HS3ST4: variants seen among roughly 807,000 people sequenced by gnomAD.
HS3ST4 encodes the protein heparan sulfate glucosamine 3-O-sulfotransferase 4.
HS3ST4 carries 17 observed loss-of-function variants against 29.2 expected under a neutral mutation model. That is an observed-to-expected ratio of 0.58 (90% CI 0.40 to 0.87). The LOEUF is 0.87. Ranked by LOEUF, HS3ST4 falls within the 40% of genes least tolerant of loss-of-function variation. HS3ST4 has a pLI of 0.00. For synonymous variants in HS3ST4, 314 were observed against 285.7 expected, an observed-to-expected ratio of 1.10 and a Z score of -1.00; for missense variants, 627 against 634.5, an observed-to-expected ratio of 0.99 and a Z score of 0.13.
In HS3ST4 at chr16:25,927,677, C is replaced by T. The variant is rs181948431; in HGVS notation, c.735-207935C>T. 6.0e-3 allele frequency among the ~76,000 whole-genome samples: 908 copies of T among 151,610 alleles called. 8 individuals carry two copies. The highest frequency in any genetic ancestry group is 9.5e-3 in the Non-Finnish European group (646 of 67,874). Reference sequence around the variant, plus strand: ...TTCAAGAGGCAGCTGCTCCTCAGCCCCAGCTCGCTGTTTTTCTGTTTTTTT... The same window carrying T: ...TTCAAGAGGCAGCTGCTCCTCAGCCTCAGCTCGCTGTTTTTCTGTTTTTTT... On this transcript the variant is annotated intron_variant, in intron 1 of 1. Transcript: ENST00000331351.
chr16:26,128,300 A>C (rs1899372951), intron 1 of HS3ST4, among the ~76,000 whole-genome samples: 1 of 152,200 alleles, frequency 6.6e-6, no homozygotes, highest in South Asian at 2.1e-4. Flanking sequence ...TATCATCAAC[A>C]TATACCCCAT....
rs1243615063 is a variant in HS3ST4, at chr16:26,073,130, A to G, written c.735-62482A>G. ...ATTTTTCAGTTTCTTTAATCAACAA[A>G]CATTTATTGAGCACTTCCTCTGTGC... is the stretch of plus-strand genomic sequence containing the variant. On this transcript the variant is annotated intron_variant, in intron 1 of 1. Transcript: ENST00000331351. Among the ~76,000 whole-genome samples the G allele has an allele frequency of 3.3e-5, 5 of 152,304 alleles. No individual in the cohort carries two copies. In the East Asian group the frequency reaches 7.7e-4, roughly 24 times the overall value.
At chr16:25,909,982 T>C (rs1968219466) in intron 1 of HS3ST4, among the ~76,000 whole-genome samples, 3 of 152,162 alleles carry the variant, frequency 2.0e-5, no homozygotes, top group South Asian at 2.1e-4. Context: ...CCTCCCCACT[T>C]GGCCTCCTTA....
intron 1 of HS3ST4, among the ~76,000 whole-genome samples, chr16:25,882,237 C>A (rs923323652): frequency 5.3e-5 from 8 of 152,150 alleles, no homozygotes; most frequent in African/African-American, 1.9e-4. Flanking sequence ...CTCCTCCAGC[C>A]CTTCTTGGTC....
At chr16:25,913,900 GTA>G (rs1317103606) in intron 1 of HS3ST4, among the ~76,000 whole-genome samples, 1 of 149,396 alleles carries the variant, frequency 6.7e-6, no homozygotes, top group African/African-American at 2.5e-5. Flanking sequence ...TTTGTGGAGT[GTA>G]TGTGTGTGCA....
intron 1 of HS3ST4, among the ~76,000 whole-genome samples, chr16:25,886,033 T>TG (rs199667446): frequency 0.029 from 3,945 of 138,006 alleles, 73 homozygotes; most frequent in Non-Finnish European, 0.037. Flanking sequence ...TGTGGTTTTT[T>TG]TTTTTTTTTT....
chr16:25,722,795 A>G (rs929250443), intron 1 of HS3ST4, among the ~76,000 whole-genome samples: 8 of 152,182 alleles, frequency 5.3e-5, no homozygotes, highest in African/African-American at 1.9e-4. Flanking sequence ...AAATGGAACT[A>G]CTAATAGCAG....
At chr16:25,711,168 A>G (rs1014475821) in intron 1 of HS3ST4, among the ~76,000 whole-genome samples, 3 of 151,988 alleles carry the variant, frequency 2.0e-5, no homozygotes, top group African/African-American at 7.3e-5. Flanking sequence ...TTCTAATTCC[A>G]TGAAAGACTT....
intron 1 of HS3ST4, among the ~76,000 whole-genome samples, chr16:25,697,167 G>C (rs1966303928): frequency 6.6e-6 from 1 of 152,148 alleles, no homozygotes; most frequent in Admixed American, 6.5e-5. Context: ...TAGGTACTGG[G>C]GATAAAATGG....
intron 1 of HS3ST4, among the ~76,000 whole-genome samples, chr16:26,050,236 G>C (rs1001422863): frequency 2.0e-5 from 3 of 152,104 alleles, no homozygotes; most frequent in African/African-American, 4.8e-5. Context: ...CATCACTTTG[G>C]AGATCCTAAG....
intron 1 of HS3ST4, among the ~76,000 whole-genome samples, chr16:25,887,555 G>C (rs552315194): frequency 1.2e-4 from 19 of 152,288 alleles, no homozygotes; most frequent in African/African-American, 4.6e-4. Context: ...GATGGGCACA[G>C]CTGGCTTCTG....
At chr16:26,127,164 C>T (rs1899355005) in intron 1 of HS3ST4, among the ~76,000 whole-genome samples, 1 of 152,160 alleles carries the variant, frequency 6.6e-6, no homozygotes, top group East Asian at 1.9e-4. Flanking sequence ...ACATTCTGTT[C>T]CCTTTCCAGT....
At chr16:26,019,688 G>A (rs528704199) in intron 1 of HS3ST4, among the ~76,000 whole-genome samples, 1 of 152,164 alleles carries the variant, frequency 6.6e-6, no homozygotes, top group South Asian at 2.1e-4. Flanking sequence ...TCTGCACAAC[G>A]TTGCCTCTTT....
intron 1 of HS3ST4, among the ~76,000 whole-genome samples, chr16:25,700,710 G>T (rs796557661): frequency 3.9e-5 from 6 of 152,216 alleles, no homozygotes; most frequent in East Asian, 1.9e-4. Flanking sequence ...GATTTCATTG[G>T]TTTTTGCGGT....
chr16:25,729,852 G>T (rs1348581541), intron 1 of HS3ST4, among the ~76,000 whole-genome samples: 1 of 152,112 alleles, frequency 6.6e-6, no homozygotes, highest in African/African-American at 2.4e-5. Context: ...TCCAGCCTCG[G>T]GTACAGGTAT....
At chr16:25,887,918 C>G (rs987786729) in intron 1 of HS3ST4, among the ~76,000 whole-genome samples, 1 of 151,970 alleles carries the variant, frequency 6.6e-6, no homozygotes, top group Non-Finnish European at 1.5e-5. Flanking sequence ...AGGATGGTCT[C>G]GATCTTCTGA....
At chr16:25,834,427 A>G (rs1052333363) in intron 1 of HS3ST4, among the ~76,000 whole-genome samples, 1 of 152,168 alleles carries the variant, frequency 6.6e-6, no homozygotes, top group African/African-American at 2.4e-5. Context: ...TTGGATGGGA[A>G]GTAATCTAAA....
intron 1 of HS3ST4, among the ~76,000 whole-genome samples, chr16:25,857,197 G>A (rs1459926290): frequency 6.6e-6 from 1 of 152,162 alleles, no homozygotes; most frequent in East Asian, 1.9e-4. Flanking sequence ...TACCATTTAA[G>A]TGTTCCTATC....
intron 1 of HS3ST4, among the ~76,000 whole-genome samples, chr16:25,788,141 A>G (rs1412620448): frequency 6.6e-6 from 1 of 152,164 alleles, no homozygotes; most frequent in East Asian, 1.9e-4. Flanking sequence ...AGGCCGGTGC[A>G]GTGGCTCACA....
Sources: allele counts gnomAD v4.1 joint callset (sites outside exome capture counted in the v4.1 genomes callset), GRCh38; gene constraint gnomAD v4.1.1; transcripts MANE v1.5; gene names NCBI Gene and HGNC (gene_info 2026-07-23, HGNC 2026-07-21).